The following KRTAP4-16 variants were observed in gnomAD, a reference collection of about 807,000 sequenced individuals.
KRTAP4-16 encodes keratin-associated protein 4-16.
For missense variants in KRTAP4-16, 378 were observed against 233.5 expected (o/e 1.62, Z -4.03); for synonymous variants, 140 against 88.8 (o/e 1.58, Z -3.24).
At chr17:41,101,724 A>C (rs1328864139) in exon 1 of KRTAP4-16, 2 of 1,008,726 alleles carry the variant, frequency 2.0e-6, no homozygotes, top group Non-Finnish European at 2.7e-6. Flanking sequence ...GGGGAAGGGG[A>C]GGGGAGGCAC....
At chr17:41,101,689 G>C in exon 1 of KRTAP4-16, 1 of 737,950 alleles carries the variant, frequency 1.4e-6, no homozygotes, top group South Asian at 1.5e-5. Context: ...GAAAGGGAGG[G>C]GAACGGGTGG....
chr17:41,101,503 T>A (rs1263234525), exon 1 of KRTAP4-16: 1 of 447,100 alleles, frequency 2.2e-6, no homozygotes, highest in African/African-American at 2.8e-5. Context: ...GCAGGAGGTT[T>A]ATTGAAGCAT....
exon 1 of KRTAP4-16, chr17:41,101,544 G>T: frequency 8.7e-6 from 3 of 346,410 alleles, no homozygotes; most frequent in Non-Finnish European, 1.5e-5. Flanking sequence ...GGAAATGAGG[G>T]GAGGGGAGGG....
exon 1 of KRTAP4-16, chr17:41,101,968 G>C: frequency 6.9e-6 from 11 of 1,601,238 alleles, no homozygotes; most frequent in Non-Finnish European, 9.4e-6. Flanking sequence ...ACAGCAGCTG[G>C]GGTGGCAGCA....
At chr17:41,101,958 A>G in exon 1 of KRTAP4-16, 3 of 1,602,522 alleles carry the variant, frequency 1.9e-6, no homozygotes, top group Non-Finnish European at 2.6e-6. Flanking sequence ...AGCTGGACAC[A>G]CAGCAGCTGG....
At chr17:41,101,764 A>G in exon 1 of KRTAP4-16, 1 of 1,502,680 alleles carries the variant, frequency 6.7e-7, no homozygotes, top group South Asian at 1.2e-5. Flanking sequence ...GGTGGAGATG[A>G]CACAGGTTGG....
At chr17:41,101,589 A>AGGAGGGGAGGG in the KRTAP4-16 span, 2 of 176,446 alleles carry the variant, frequency 1.1e-5, no homozygotes, top group East Asian at 9.0e-5. Flanking sequence ...GTGAAGGGAG[A>AGGAGGGGAGGG]GAAGGGGAAG....
chr17:41,101,730 G>T, exon 1 of KRTAP4-16: 1 of 1,302,800 alleles, frequency 7.7e-7, no homozygotes, highest in South Asian at 1.3e-5. Context: ...GGGGAGGGGA[G>T]GCACAGCACA....
At chr17:41,101,644 G>A (rs561492741) in exon 1 of KRTAP4-16, 2 of 507,752 alleles carry the variant, frequency 3.9e-6, no homozygotes, top group East Asian at 3.5e-5. Context: ...GGGAGGGGAA[G>A]GGCGGGGAGG....
chr17:41,101,515 C>T (rs1249694443), exon 1 of KRTAP4-16: 3 of 386,406 alleles, frequency 7.8e-6, no homozygotes, highest in Non-Finnish European at 1.4e-5. Flanking sequence ...TTGAAGCATG[C>T]TCTTGGGATT....
At chr17:41,101,813 CTG>C in the KRTAP4-16 span, 1 of 1,580,050 alleles carries the variant, frequency 6.3e-7, no homozygotes, top group Non-Finnish European at 8.6e-7. Flanking sequence ...CGACCACAGA[CTG>C]GACGCAGGCA....
At chr17:41,101,896 T>C (rs778183702) in exon 1 of KRTAP4-16, 9 of 1,607,474 alleles carry the variant, frequency 5.6e-6, no homozygotes, top group Admixed American at 1.7e-5. Context: ...GCAGCTGGGG[T>C]GGCAGCAGGT....
At chr17:41,102,124 C>G (rs771814683) in exon 1 of KRTAP4-16, 4 of 1,562,028 alleles carry the variant, frequency 2.6e-6, no homozygotes, top group Admixed American at 3.4e-5. Context: ...GGTGGTCTGA[C>G]AACAGCTGGG....
chr17:41,101,754 G>T (rs1427929765), exon 1 of KRTAP4-16: 11 of 1,459,444 alleles, frequency 7.5e-6, no homozygotes, highest in Non-Finnish European at 1.0e-5. Context: ...GGTGGGGGCA[G>T]GTGGAGATGA....
chr17:41,102,100 G>T lies in KRTAP4-16; in HGVS notation c.110C>A (p.Thr37Asn), dbSNP rs531578922. The change falls in exon 1 of 1, where the codon ACC becomes AAC. Residue 37 changes from threonine to asparagine, a missense_variant. Physicochemically the swap from Thr to Asn is moderately conservative, Grantham distance 65. Coordinates refer to ENST00000440582, the Ensembl canonical transcript of KRTAP4-16. Reference sequence around the variant, plus strand: ...CACAGAGCAGCTGTGGGAGCAGGAGGTGGTTCTGCAGCAGGTGGTCTGACA... The same window carrying T: ...CACAGAGCAGCTGTGGGAGCAGGAGTTGGTTCTGCAGCAGGTGGTCTGACA... 37 of 1,584,318 alleles carry T rather than the reference G, an allele frequency of 2.3e-5. No individual in the cohort carries two copies. The African/African-American group carries it at 4.1e-4, about 17-fold the overall frequency.
rs769234908 is a variant in KRTAP4-16, at chr17:41,101,972, G to A, written c.238C>T (p.His80Tyr). The A allele has an allele frequency of 6.2e-6, 10 of 1,600,706 alleles. 1 individual carries two copies. In the African/African-American group the frequency reaches 1.2e-4, roughly 20 times the overall value. Reference sequence around the variant, plus strand: ...CAGCTGGACACACAGCAGCTGGGGTGGCAGCAGGTCGTCCTGCAGCAGGTG... The same window carrying A: ...CAGCTGGACACACAGCAGCTGGGGTAGCAGCAGGTCGTCCTGCAGCAGGTG... Residue 80 changes from histidine (H) to tyrosine (Y), a missense_variant, in exon 1 of 1, where the codon CAC (histidine) becomes TAC (tyrosine). Transcript: ENST00000440582.
chr17:41,101,801 C>T, exon 1 of KRTAP4-16: 2 of 1,568,082 alleles, frequency 1.3e-6, no homozygotes, highest in Non-Finnish European at 1.7e-6. Flanking sequence ...TGGCAGGAGA[C>T]TCGACCACAG....
At chr17:41,101,920 A>G (rs775056002) in exon 1 of KRTAP4-16, 2 of 1,610,516 alleles carry the variant, frequency 1.2e-6, no homozygotes, top group South Asian at 1.1e-5. Flanking sequence ...CTGGAAGCAC[A>G]CGGAATGGCA....
At chr17:41,101,528 C>T (rs752047422) in exon 1 of KRTAP4-16, 110 of 422,698 alleles carry the variant, frequency 2.6e-4, no homozygotes, top group Non-Finnish European at 4.1e-4. Flanking sequence ...TTGGGATTAA[C>T]ACTGGGGAAA....
Sources: allele counts gnomAD v4.1 joint callset, GRCh38; gene constraint gnomAD v4.1.1; transcripts MANE v1.5; gene names NCBI Gene and HGNC (gene_info 2026-07-23, HGNC 2026-07-21).